Variants in MVD observed in about 807,000 individuals in gnomAD.
MVD encodes diphosphomevalonate decarboxylase.
In MVD, 52 loss-of-function variants were observed where a neutral mutation model predicts 42.4. The observed-to-expected ratio is 1.23, with a 90% CI of 0.98 to 1.55. The LOEUF (loss-of-function observed/expected upper bound fraction) is 1.55. Among genes scored for constraint, MVD ranks in the 40% most tolerant of loss-of-function variants. The pLI is 0.00. For synonymous variants in MVD, 287 were observed against 243.2 expected (o/e 1.18, Z -1.68); for missense variants, 663 against 572.1 (o/e 1.16, Z -1.62).
chr16:88,661,502 G>C (rs1286558731), intron 1 of MVD, among the ~76,000 whole-genome samples: 1 of 152,016 alleles, frequency 6.6e-6, no homozygotes, highest in Non-Finnish European at 1.5e-5. Context: ...GGGATTACAG[G>C]CTTGAGCCAG....
chr16:88,662,943 C>T (rs1908405493), intron 1 of MVD, 68 bp downstream of exon 1: 30 of 1,550,918 alleles, frequency 1.9e-5, no homozygotes, highest in Non-Finnish European at 2.5e-5. Context: ...GCCGAATCAG[C>T]GCGCGACCCC....
intron 1 of MVD, chr16:88,659,316 TAAA>T: frequency 6.3e-6 from 1 of 158,880 alleles, no homozygotes; most frequent in Admixed American, 6.0e-5. Context: ...CCAGGGGTGA[TAAA>T]CGCGGACACC....
intron 1 of MVD, chr16:88,658,929 G>A: frequency 1.8e-6 from 1 of 569,104 alleles, no homozygotes; most frequent in South Asian, 1.9e-5. Flanking sequence ...GAGCAGAGCT[G>A]GAGGCCAGCC....
intron 9 of MVD, 67 bp downstream of exon 9, chr16:88,653,232 TG>T: frequency 1.5e-6 from 2 of 1,326,420 alleles, no homozygotes; most frequent in Non-Finnish European, 2.1e-6. Context: ...TTAAGGGCCC[TG>T]GGGGCTGGGC....
In MVD at chr16:88,657,651, G is replaced by A. The variant is rs1908019780; in HGVS notation, c.257-69C>T. On this transcript the variant is annotated intron_variant, in intron 3 of 9. Coordinates refer to ENST00000301012, the MANE Select transcript of MVD (RefSeq NM_002461.3). Reference sequence around the variant, plus strand: ...CTGCCCGCCCTGCTCCTGCCCACCTGCCCGGGGTCACAGCTGAACACCAGG... The same window carrying A: ...CTGCCCGCCCTGCTCCTGCCCACCTACCCGGGGTCACAGCTGAACACCAGG... 17 of 1,576,796 alleles carry A rather than the reference G, an allele frequency of 1.1e-5. 1 individual carries two copies. Among genetic ancestry groups the A allele is most frequent in the South Asian group, 6.9e-5 (6 of 86,602 alleles).
intron 1 of MVD, 33 bp from the exon 2 acceptor site, chr16:88,658,753 C>T: frequency 1.9e-6 from 3 of 1,566,804 alleles, no homozygotes; most frequent in Non-Finnish European, 2.6e-6. Context: ...GGCCGGTGGG[C>T]TTCCCGGCCC....
chr16:88,655,476 G>C, intron 6 of MVD, 59 bp from the exon 7 acceptor site: 1 of 1,530,234 alleles, frequency 6.5e-7, no homozygotes, highest in Non-Finnish European at 8.8e-7. Context: ...CAGAGGGTTC[G>C]AGGAGAGACT....
chr16:88,655,429 A>T lies in MVD; in HGVS notation c.679-12T>A, dbSNP rs1352402765. ...GACTCGGCCCGGAACTGCAAGGCAC[A>T]GGGTGTTTCCCATGGAGCCGCTGGG... On this transcript the variant is annotated splice_polypyrimidine_tract_variant and intron_variant, in intron 6 of 9. Transcript: ENST00000301012. The T allele has an allele frequency of 6.4e-7, 1 of 1,559,160 alleles. No individual in the cohort carries two copies.
At position 88,655,452 on chromosome 16, in the gene MVD, G is replaced by A. The variant is rs1052867535; in HGVS notation, c.679-35C>T. 5.8e-6 allele frequency: 9 copies of A among 1,541,848 alleles called. No homozygotes were observed. In the African/African-American group the frequency reaches 8.2e-5, roughly 14 times the overall value. Reference sequence around the variant, plus strand: ...ACAGGGTGTTTCCCATGGAGCCGCTGGGGGTCTCGACAGCAGAGGGTTCGA... The same window carrying A: ...ACAGGGTGTTTCCCATGGAGCCGCTAGGGGTCTCGACAGCAGAGGGTTCGA... On this transcript the variant is annotated intron_variant, in intron 6 of 9. Transcript: ENST00000301012.
chr16:88,654,725 C>T lies in MVD; in HGVS notation c.980G>A (p.Trp327Ter). The T allele has an allele frequency of 6.2e-7, 1 of 1,602,430 alleles. No individual in the cohort carries two copies. Among genetic ancestry groups the T allele is most frequent in the South Asian group, 1.1e-5 (1 of 89,108 alleles). The change falls in exon 8 of 10, where the codon TGG becomes TAG. Residue 327 changes from tryptophan to a stop codon, truncating the protein, a stop_gained. Coordinates refer to ENST00000301012, the MANE Select transcript of MVD (RefSeq NM_002461.3). LOFTEE classifies it high-confidence loss of function. ...DTVAEFVAAV[W>*]HGFPPGSNGD... ...ATTCGAGCCTGGGGGAAAGCCGTGC[C>T]ACACAGCAGCCACAAACTCAGCCAC...
chr16:88,652,311 G>A lies in MVD; in HGVS notation c.*214C>T. On this transcript the variant is annotated 3_prime_UTR_variant, in exon 10 of 10. Transcript: ENST00000301012. ...CATCCCATCTTGGCAAAGCGCTGGT[G>A]CAGCTTAGGGCAGCTGAAGCACTCG... 1.6e-6 allele frequency: 1 copy of A among 616,872 alleles called. No individual in the cohort carries two copies. Among genetic ancestry groups the A allele is most frequent in the Middle Eastern group, 4.3e-4 (1 of 2,314 alleles). The allele number at this position is 616,872 out of a possible 1,614,324, so 38.2% of individuals were successfully genotyped here.
chr16:88,658,148 A>C (rs1210741480), intron 2 of MVD, 119 bp from the exon 3 acceptor site: 1 of 999,502 alleles, frequency 1.0e-6, no homozygotes, highest in East Asian at 2.5e-5. Flanking sequence ...AGCCCTGCTG[A>C]GGGCAGGGGG....
intron 2 of MVD, 39 bp downstream of exon 2, chr16:88,658,611 A>G: frequency 6.3e-7 from 1 of 1,593,946 alleles, no homozygotes; most frequent in Non-Finnish European, 8.6e-7. Context: ...AATGTTCTGG[A>G]AATGGCACTG....
At position 88,652,405 on chromosome 16, in the gene MVD, G is replaced by C; in HGVS notation, c.*120C>G. ...CACTGCCCCACAGCAAGCTGCCCAT[G>C]GGCCCGGGGTCAAGCCACCACCCAC... On this transcript the variant is annotated 3_prime_UTR_variant, in exon 10 of 10. Coordinates refer to ENST00000301012, the MANE Select transcript of MVD (RefSeq NM_002461.3). 4 of 1,139,670 alleles carry C rather than the reference G, an allele frequency of 3.5e-6. No individual in the cohort carries two copies. The highest frequency in any genetic ancestry group is 3.8e-6 in the Non-Finnish European group (3 of 780,748). 70.6% of individuals were successfully genotyped at this position (1,139,670 alleles called of 1,614,324 possible).
chr16:88,656,553 A>C, intron 4 of MVD: 1 of 577,878 alleles, frequency 1.7e-6, no homozygotes, highest in Non-Finnish European at 3.1e-6. Context: ...CAAGGGCAAC[A>C]AAAGGTACCT....
Position 88,663,065 on chromosome 16 carries a change from G to C in MVD, c.16C>G (p.Pro6Ala), listed in dbSNP as rs1473072747. 4.3e-6 allele frequency: 7 copies of C among 1,609,858 alleles called. No individual in the cohort carries two copies. The highest frequency in any genetic ancestry group is 5.9e-6 in the Non-Finnish European group (7 of 1,178,818). The change falls in exon 1 of 10, where the codon CCG becomes GCG. Residue 6 changes from proline to alanine, a missense_variant. Pro to Ala is a conservative substitution (Grantham distance 27). Coordinates refer to ENST00000301012, the MANE Select transcript of MVD (RefSeq NM_002461.3). ...GCTGTACAAGTGACTGCCGCCAGCGGCTTCTCCGAGGCCATGGTCCCACCG... is the reference window on the plus strand; with the variant it reads ...GCTGTACAAGTGACTGCCGCCAGCGCCTTCTCCGAGGCCATGGTCCCACCG... MASEK[P>A]LAAVTCTAPV... is the part of the protein sequence containing the mutation.
Position 88,655,269 on chromosome 16 carries a change from T to C in MVD, c.827A>G (p.Tyr276Cys). 2 of 1,590,644 alleles carry C rather than the reference T, an allele frequency of 1.3e-6. No individual in the cohort carries two copies. Among genetic ancestry groups the C allele is most frequent in the Non-Finnish European group, 1.7e-6 (2 of 1,168,672 alleles). The part of the protein sequence containing the change: ...TCLDTFPPIS[Y>C]LNAISWRIIH... ...GATGCGCCAGGAGATGGCATTGAGG[T>C]AAGAGATGGGCGGGAAGGTGTCGAG... Residue 276 changes from tyrosine (Y) to cysteine (C), a missense_variant, in exon 7 of 10, where the codon TAC becomes TGC. By Grantham distance (194) the Tyr-to-Cys change is radical. Coordinates refer to ENST00000301012, the MANE Select transcript of MVD (RefSeq NM_002461.3).
At chr16:88,659,120 CCT>C (rs1252577172) in intron 1 of MVD, 1 of 233,278 alleles carries the variant, frequency 4.3e-6, no homozygotes, top group Non-Finnish European at 8.8e-6. Flanking sequence ...AGGATAAACC[CCT>C]TTCTGCCCAG....
chr16:88,662,462 G>A (rs1908364565), intron 1 of MVD, among the ~76,000 whole-genome samples: 1 of 152,254 alleles, frequency 6.6e-6, no homozygotes, highest in East Asian at 1.9e-4. Context: ...GAGGGGCGGG[G>A]CTGTGAACGC....
Sources: allele counts gnomAD v4.1 joint callset (sites outside exome capture counted in the v4.1 genomes callset), GRCh38; gene constraint gnomAD v4.1.1; transcripts MANE v1.5; gene names NCBI Gene and HGNC (gene_info 2026-07-23, HGNC 2026-07-21).